MYT1L: variants seen among roughly 807,000 people sequenced by gnomAD.
The protein encoded by MYT1L is myelin transcription factor 1-like protein.
A neutral mutation model predicts 126.7 loss-of-function variants in MYT1L; 12 were observed. The observed-to-expected ratio is 0.09, with a 90% confidence interval of 0.06 to 0.15. The LOEUF is 0.15. Among genes scored for constraint, MYT1L ranks in the 10% least tolerant of loss-of-function variants. The probability of loss-of-function intolerance (pLI) is 1.00; values close to 1 mark genes in which losing one functional copy is unlikely to be tolerated. For synonymous variants in MYT1L, 541 were observed against 604.2 expected (o/e 0.90, Z 1.53); for missense variants, 979 against 1,585.2 (o/e 0.62, Z 6.49).
chr2:1,921,753 T>C (rs545932438), intron 10 of MYT1L, among the ~76,000 whole-genome samples: 1 of 152,204 alleles, frequency 6.6e-6, no homozygotes, highest in Admixed American at 6.5e-5. Flanking sequence ...CCTTATCTTA[T>C]GTTATCGGTC....
At chr2:1,869,444 G>A (rs1432510937) in intron 18 of MYT1L, among the ~76,000 whole-genome samples, 4 of 152,258 alleles carry the variant, frequency 2.6e-5, no homozygotes, top group East Asian at 1.9e-4. Context: ...GCACGGTGCC[G>A]GTGCACGCAT....
chr2:2,124,326 C>T (rs1459636974), intron 3 of MYT1L, among the ~76,000 whole-genome samples: 2 of 152,048 alleles, frequency 1.3e-5, no homozygotes, highest in South Asian at 2.1e-4. Context: ...GATGGAGTCT[C>T]GCTCTGTTGC....
intron 18 of MYT1L, chr2:1,886,283 C>A (rs1269501494): frequency 1.7e-5 from 6 of 359,116 alleles, no homozygotes; most frequent in Admixed American, 4.7e-5. Flanking sequence ...AGAAAACACC[C>A]ATGCTTTAGG....
chr2:2,098,917 C>G (rs894818354), intron 3 of MYT1L, among the ~76,000 whole-genome samples: 1 of 152,088 alleles, frequency 6.6e-6, no homozygotes, highest in Non-Finnish European at 1.5e-5. Context: ...GACAACCCAC[C>G]AACAACTTTA....
At position 2,181,078 on chromosome 2, in the gene MYT1L, GTGTA is replaced by G. The variant is rs578044759; in HGVS notation, c.-420-8094_-420-8091del. Among the ~76,000 whole-genome samples the G allele has an allele frequency of 1.9e-3, 286 of 151,874 alleles. 2 individuals are homozygous for G. The highest frequency in any genetic ancestry group is 2.6e-3 in the Non-Finnish European group (178 of 67,924). ...TGTAACCGTACCTGTGTGTGTGCTT[GTGTA>G]TGTACCTGTGTACCTGTGTGTGAAC... On this transcript the variant is annotated intron_variant, in intron 2 of 24. Coordinates refer to ENST00000647738, the MANE Select transcript of MYT1L (RefSeq NM_001303052.2).
At position 1,979,950 on chromosome 2, in the gene MYT1L, A is replaced by T. The variant is rs1289615276; in HGVS notation, c.1-173T>A. Among the ~76,000 whole-genome samples, 1 of 152,128 alleles carries T rather than the reference A, an allele frequency of 6.6e-6. No homozygotes were observed. Among genetic ancestry groups the T allele is most frequent in the East Asian group, 1.9e-4 (1 of 5,182 alleles). On this transcript the variant is annotated intron_variant, in intron 5 of 24. Coordinates refer to ENST00000647738, the MANE Select transcript of MYT1L (RefSeq NM_001303052.2). The surrounding 1 kb of genome is among the most constrained non-coding windows in gnomAD (Gnocchi z 4.0). ...TAAGACCAGGCAATCTAAATGTATT[A>T]CTCAAACAATTATAAACAGACCTTA...
intron 3 of MYT1L, among the ~76,000 whole-genome samples, chr2:2,170,039 T>C (rs1171508608): frequency 6.6e-6 from 1 of 152,238 alleles, no homozygotes; most frequent in Non-Finnish European, 1.5e-5. Context: ...GCAACCTTGC[T>C]CTCTTCATCC....
chr2:2,211,405 C>T (rs891819893), intron 2 of MYT1L, among the ~76,000 whole-genome samples: 3 of 152,080 alleles, frequency 2.0e-5, no homozygotes, highest in African/African-American at 2.4e-5. Flanking sequence ...CTTCATGTAT[C>T]GTTTTTTTTA....
intron 9 of MYT1L, among the ~76,000 whole-genome samples, chr2:1,928,579 T>C (rs1394145956): frequency 6.6e-6 from 1 of 152,228 alleles, no homozygotes; most frequent in Non-Finnish European, 1.5e-5. Context: ...TAGCCAGACA[T>C]GCAGCACTTT....
chr2:2,139,532 G>A (rs1346650470), intron 3 of MYT1L, among the ~76,000 whole-genome samples: 2 of 151,948 alleles, frequency 1.3e-5, no homozygotes, highest in Admixed American at 1.3e-4. Context: ...CCAGCTACTC[G>A]GGAGGCTGAG....
Position 1,882,837 on chromosome 2 carries a change from A to G in MYT1L, c.2711+3702T>C, listed in dbSNP as rs141900461. ...GAATCTAAGCCTCGGGATGGTCTAG[A>G]AATAAGTAGCCTTAGCAAAAAGCAA... On this transcript the variant is annotated intron_variant, in intron 18 of 24. Transcript: ENST00000647738. Among the ~76,000 whole-genome samples the G allele has an allele frequency of 1.1e-3, 172 of 152,318 alleles. 1 individual carries two copies. The highest frequency in any genetic ancestry group is 4.0e-3 in the African/African-American group (167 of 41,570).
At chr2:2,235,581 G>A (rs2094276027) in intron 2 of MYT1L, among the ~76,000 whole-genome samples, 1 of 152,200 alleles carries the variant, frequency 6.6e-6, no homozygotes, top group African/African-American at 2.4e-5. Context: ...TTCCCACAGA[G>A]GTTGTATTTC....
intron 3 of MYT1L, among the ~76,000 whole-genome samples, chr2:2,100,579 T>C (rs761160794): frequency 1.3e-5 from 2 of 152,192 alleles, no homozygotes; most frequent in Non-Finnish European, 2.9e-5. Context: ...CCATGGACAC[T>C]GGTCTCCACA....
In MYT1L at chr2:2,068,153, G is replaced by A. The variant is rs138142251; in HGVS notation, c.-303-14030C>T. On this transcript the variant is annotated intron_variant, in intron 3 of 24. Transcript: ENST00000647738. ...TGAACTTTACATGGTGATTGCTGACGTCCCAGGGGTTTGGAGGAGACACTT... is the reference window on the plus strand; with the variant it reads ...TGAACTTTACATGGTGATTGCTGACATCCCAGGGGTTTGGAGGAGACACTT... 2.5e-4 allele frequency among the ~76,000 whole-genome samples: 38 copies of A among 152,228 alleles called. No homozygotes were observed. The East Asian group carries it at 4.8e-3, about 19-fold the overall frequency.
At chr2:1,888,834 G>A (rs567545767) in intron 16 of MYT1L, among the ~76,000 whole-genome samples, 1 of 152,220 alleles carries the variant, frequency 6.6e-6, no homozygotes, top group South Asian at 2.1e-4. Context: ...TAGTTTCGAA[G>A]GGCTAGTTAA....
At chr2:1,981,598 C>T (rs972246985) in intron 5 of MYT1L, among the ~76,000 whole-genome samples, 2 of 152,212 alleles carry the variant, frequency 1.3e-5, no homozygotes, top group South Asian at 4.1e-4. Context: ...GACGACGGGC[C>T]TGAGCCAGGG....
At chr2:2,175,369 G>A (rs2090611928) in intron 2 of MYT1L, among the ~76,000 whole-genome samples, 1 of 152,058 alleles carries the variant, frequency 6.6e-6, no homozygotes, top group Admixed American at 6.5e-5. Context: ...AAGTGTTGCT[G>A]AAACGGCAGT....
intron 1 of MYT1L, among the ~76,000 whole-genome samples, chr2:2,288,448 C>G (rs2095554001): frequency 6.6e-6 from 1 of 152,190 alleles, no homozygotes; most frequent in African/African-American, 2.4e-5. Context: ...TCCTCCACAT[C>G]CATTCAAAGA....
chr2:1,949,251 T>G (rs2149301336), intron 8 of MYT1L, among the ~76,000 whole-genome samples: 1 of 152,278 alleles, frequency 6.6e-6, no homozygotes, highest in South Asian at 2.1e-4. Context: ...TCCAAGACAC[T>G]TTGGGTAGAG....
Sources: allele counts gnomAD v4.1 joint callset (sites outside exome capture counted in the v4.1 genomes callset), GRCh38; gene constraint gnomAD v4.1.1; non-coding constraint Gnocchi (gnomAD v3.1); transcripts MANE v1.5; gene names NCBI Gene and HGNC (gene_info 2026-07-23, HGNC 2026-07-21).